Variants in TTLL5 observed in about 807,000 individuals in gnomAD.
TTLL5 encodes the protein tubulin tyrosine ligase like 5.
Under a neutral mutation model 168.4 loss-of-function variants are expected in TTLL5, and 132 were observed. That is an observed-to-expected ratio of 0.78 (90% CI 0.68 to 0.91). The LOEUF (loss-of-function observed/expected upper bound fraction) is 0.91. TTLL5 is among the 40% of genes least tolerant of loss of function. The pLI is 0.00. For missense variants in TTLL5, 1,545 were observed against 1,581.5 expected, an observed-to-expected ratio of 0.98 and a Z score of 0.39; for synonymous variants, 546 against 558.6, an observed-to-expected ratio of 0.98 and a Z score of 0.32.
intron 6 of TTLL5, 21 bp from the exon 7 acceptor site, chr14:75,699,167 A>G (rs1410968959): frequency 1.9e-6 from 3 of 1,598,328 alleles, no homozygotes; most frequent in Non-Finnish European, 1.7e-6. Flanking sequence ...TCTGTTTTTT[A>G]TCTCCCAATA....
chr14:75,875,134 C>T lies in TTLL5; in HGVS notation c.3523-7551C>T, dbSNP rs937053585. Reference sequence around the variant, plus strand: ...ATTTTTAGTAGAGATGGGGTTTCACCGTTTTAGCCAGGATGGTCTCGATCT... The same window carrying T: ...ATTTTTAGTAGAGATGGGGTTTCACTGTTTTAGCCAGGATGGTCTCGATCT... On this transcript the variant is annotated intron_variant, in intron 29 of 31. Transcript: ENST00000298832. 1.3e-4 allele frequency among the ~76,000 whole-genome samples: 19 copies of T among 149,888 alleles called. No individual in the cohort carries two copies. The South Asian group carries it at 2.5e-3, about 20-fold the overall frequency.
chr14:75,902,304 C>A, intron 31 of TTLL5, 80 bp downstream of exon 31: 1 of 1,369,258 alleles, frequency 7.3e-7, no homozygotes, highest in Non-Finnish European at 1.0e-6. Context: ...CTTCTGCCTC[C>A]AAAGAGAGCC....
At chr14:75,831,067 A>G (rs746819525) in intron 28 of TTLL5, among the ~76,000 whole-genome samples, 9 of 152,224 alleles carry the variant, frequency 5.9e-5, no homozygotes, top group Non-Finnish European at 8.8e-5. Flanking sequence ...CCACAAGTCA[A>G]AAGCTCAAAA....
At chr14:75,748,203 G>A (rs189071758) in intron 17 of TTLL5, among the ~76,000 whole-genome samples, 49 of 151,018 alleles carry the variant, frequency 3.2e-4, no homozygotes, top group Non-Finnish European at 6.0e-4. Flanking sequence ...GTAGGAGAGC[G>A]TGTCCTGTAA....
In TTLL5 at chr14:75,954,755, A is replaced by C; in HGVS notation, c.*309A>C. The C allele has an allele frequency of 2.4e-6, 1 of 417,054 alleles. No individual in the cohort carries two copies. The highest frequency in any genetic ancestry group is 3.6e-5 in the Admixed American group (1 of 27,452). The allele number at this position is 417,054 out of a possible 1,614,324, so 25.8% of individuals were successfully genotyped here. A position where few individuals can be genotyped will look rare whatever the true frequency, so the allele number is the denominator to read the frequency against. On this transcript the variant is annotated 3_prime_UTR_variant, in exon 32 of 32. Transcript: ENST00000298832. ...CCTTCCCTTTGCCCCATGCCCCCAA[A>C]CTGCTTAGGTCTTCTCTGTCCCTTT...
chr14:75,693,039 C>A (rs567365970), intron 6 of TTLL5, among the ~76,000 whole-genome samples: 4 of 152,150 alleles, frequency 2.6e-5, no homozygotes, highest in African/African-American at 9.6e-5. Context: ...GGAATGAGGT[C>A]TCAGAGGAGG....
At chr14:75,951,644 C>T (rs900461546) in intron 31 of TTLL5, among the ~76,000 whole-genome samples, 4 of 152,038 alleles carry the variant, frequency 2.6e-5, no homozygotes, top group African/African-American at 9.7e-5. Flanking sequence ...TGCCTGTGGT[C>T]CCAGCTACTC....
chr14:75,779,145 G>A (rs1891897295), intron 23 of TTLL5, among the ~76,000 whole-genome samples: 1 of 152,114 alleles, frequency 6.6e-6, no homozygotes, highest in South Asian at 2.1e-4. Flanking sequence ...TTTTTGGCTG[G>A]GGGCCATAAA....
At position 75,776,711 on chromosome 14, in the gene TTLL5, C is replaced by T. The variant is rs777247585; in HGVS notation, c.2284-36C>T. 3.9e-6 allele frequency: 6 copies of T among 1,521,168 alleles called. No individual in the cohort carries two copies. The African/African-American group carries it at 6.9e-5, about 17-fold the overall frequency. 94.2% of individuals were successfully genotyped at this position (1,521,168 alleles called of 1,614,324 possible). On this transcript the variant is annotated intron_variant, in intron 22 of 31. Coordinates refer to ENST00000298832, the MANE Select transcript of TTLL5 (RefSeq NM_015072.5). ...CATATTTATTAGGAGTCAGTTTTAT[C>T]TTGTTGTTTTTCTGTGGGGTTTGGG...
intron 31 of TTLL5, chr14:75,906,654 C>T (rs1029426238): frequency 7.4e-5 from 73 of 985,732 alleles, no homozygotes; most frequent in African/African-American, 1.7e-4. Context: ...AAATCAAAGT[C>T]GGTGAAGTCA....
At chr14:75,818,893 A>G (rs530388367) in intron 27 of TTLL5, among the ~76,000 whole-genome samples, 1 of 152,262 alleles carries the variant, frequency 6.6e-6, no homozygotes, top group East Asian at 1.9e-4. Context: ...CTCCTTTTTC[A>G]GTATTAAAAA....
At chr14:75,910,650 A>C (rs1048284473) in intron 31 of TTLL5, among the ~76,000 whole-genome samples, 3 of 152,246 alleles carry the variant, frequency 2.0e-5, no homozygotes, top group Non-Finnish European at 4.4e-5. Flanking sequence ...AGCTTTCCAC[A>C]CGGAAATATT....
intron 17 of TTLL5, among the ~76,000 whole-genome samples, chr14:75,749,923 T>C (rs1423111474): frequency 4.6e-5 from 7 of 151,814 alleles, no homozygotes; most frequent in Non-Finnish European, 1.0e-4. Context: ...TTTACACATA[T>C]AATAAGAATA....
chr14:75,914,891 G>A (rs1324546947), intron 31 of TTLL5, among the ~76,000 whole-genome samples: 1 of 152,098 alleles, frequency 6.6e-6, no homozygotes, highest in Non-Finnish European at 1.5e-5. Flanking sequence ...CCAAAGTGCT[G>A]GGATTACAGG....
At chr14:75,950,028 TG>T (rs1347334813) in intron 31 of TTLL5, among the ~76,000 whole-genome samples, 118 of 152,276 alleles carry the variant, frequency 7.7e-4, no homozygotes, top group African/African-American at 2.7e-3. Flanking sequence ...GGGCTGTGTG[TG>T]ACTTGTCTTA....
At chr14:75,767,085 C>T (rs182719963) in intron 20 of TTLL5, among the ~76,000 whole-genome samples, 63 of 151,554 alleles carry the variant, frequency 4.2e-4, no homozygotes, top group African/African-American at 1.4e-3. Context: ...ATTGCTTGAA[C>T]CTGGAAGGTG....
At chr14:75,680,800 A>AT (rs1401304021) in intron 3 of TTLL5, among the ~76,000 whole-genome samples, 1 of 151,644 alleles carries the variant, frequency 6.6e-6, no homozygotes, top group Non-Finnish European at 1.5e-5. Context: ...AATTTTTTGT[A>AT]TTTTTAAGTA....
intron 27 of TTLL5, among the ~76,000 whole-genome samples, chr14:75,793,621 A>G (rs2140353081): frequency 6.6e-6 from 1 of 152,342 alleles, no homozygotes; most frequent in East Asian, 1.9e-4. Context: ...CTGAGGCTGA[A>G]ATAAGTGATG....
At chr14:75,883,228 T>A (rs1048593359) in intron 30 of TTLL5, among the ~76,000 whole-genome samples, 3 of 152,248 alleles carry the variant, frequency 2.0e-5, no homozygotes, top group African/African-American at 7.2e-5. Context: ...GATACAGGAT[T>A]GAGATTTCAT....
Sources: gnomAD v4.1 joint callset for allele counts (sites outside exome capture counted in the v4.1 genomes callset) on GRCh38, gnomAD v4.1.1 for gene constraint, MANE v1.5 for transcripts, NCBI Gene and HGNC (gene_info 2026-07-23, HGNC 2026-07-21) for gene names.